CDH15: variants seen among roughly 807,000 people sequenced by gnomAD.
CDH15 encodes the protein cadherin-15.
In CDH15, 73 loss-of-function variants were observed where a neutral mutation model predicts 69.4. That is an observed-to-expected ratio of 1.05 (90% CI 0.87 to 1.28). CDH15 has a LOEUF of 1.28. Among genes scored for constraint, CDH15 ranks in the 50% most tolerant of loss-of-function variants. CDH15 has a pLI of 0.00. For synonymous variants in CDH15, 624 were observed against 507.7 expected, an observed-to-expected ratio of 1.23 and a Z score of -3.08; for missense variants, 1,343 against 1,133.6, an observed-to-expected ratio of 1.18 and a Z score of -2.65.
In CDH15 at chr16:89,186,794, C is replaced by T. The variant is rs192325963; in HGVS notation, c.664-635C>T. 3.8e-4 allele frequency among the ~76,000 whole-genome samples: 55 copies of T among 142,904 alleles called. 1 individual carries two copies. In the East Asian group the frequency reaches 0.011, roughly 27 times the overall value. The allele number at this position is 142,904 out of a possible 152,430, so 93.8% of individuals were successfully genotyped here. A position where few individuals can be genotyped will look rare whatever the true frequency, so the allele number is the denominator to read the frequency against. On this transcript the variant is annotated intron_variant, in intron 5 of 13. Transcript: ENST00000289746. ...CAGAGCACAGTAGGTGCTCTGTAAA[C>T]GCTTACCCAGCGCACAGAAGGTGCT...
chr16:89,171,793 T>TCGCGGGTGCACTC lies in CDH15; in HGVS notation c.-36_-24dup, dbSNP rs1485650488. ...CTCAGCCTGGACGCGCTTCTTCGGGTCGCGGGTGCACTCCGGCCCGGCTCC... is the reference window on the plus strand; with the variant it reads ...CTCAGCCTGGACGCGCTTCTTCGGGTCGCGGGTGCACTCCGCGGGTGCACTCCGGCCCGGCTCC... On this transcript the variant is annotated 5_prime_UTR_variant, in exon 1 of 14. Coordinates refer to ENST00000289746, the MANE Select transcript of CDH15 (RefSeq NM_004933.3). The TCGCGGGTGCACTC allele has an allele frequency of 6.6e-7, 1 of 1,525,342 alleles. No homozygotes were observed. The highest frequency in any genetic ancestry group is 1.4e-5 in the African/African-American group (1 of 70,516). 94.5% of individuals were successfully genotyped at this position (1,525,342 alleles called of 1,614,324 possible). A position where few individuals can be genotyped will look rare whatever the true frequency, so the allele number is the denominator to read the frequency against.
chr16:89,183,512 G>A (rs1405198457), intron 3 of CDH15, 36 bp from the exon 4 acceptor site: 4 of 1,613,410 alleles, frequency 2.5e-6, no homozygotes, highest in South Asian at 2.2e-5. Flanking sequence ...GAAATTTGGG[G>A]GCCACAGAGC....
chr16:89,190,940 C>T (rs1008326453), intron 8 of CDH15, among the ~76,000 whole-genome samples: 1 of 152,158 alleles, frequency 6.6e-6, no homozygotes, highest in African/African-American at 2.4e-5. Context: ...TTCCTCACCT[C>T]ACAGAAGGTG....
intron 7 of CDH15, among the ~76,000 whole-genome samples, chr16:89,189,737 G>A (rs1333004980): frequency 6.6e-6 from 1 of 151,202 alleles, no homozygotes; most frequent in Admixed American, 6.6e-5. Context: ...GTGTAGATGT[G>A]GGTGTATTTA....
At chr16:89,185,529 G>A in intron 5 of CDH15, 196 bp downstream of exon 5, 2 of 695,028 alleles carry the variant, frequency 2.9e-6, no homozygotes, top group South Asian at 1.7e-5. Flanking sequence ...CGCTGGCCCG[G>A]GTGGGAGGGG....
At chr16:89,177,948 C>T (rs919708887) in intron 1 of CDH15, among the ~76,000 whole-genome samples, 1 of 152,160 alleles carries the variant, frequency 6.6e-6, no homozygotes, top group African/African-American at 2.4e-5. Context: ...GACCCGCCGT[C>T]TCTAAGCTTC....
rs935997767 is a variant in CDH15 at position 89,192,337 on chromosome 16, G to A, written c.1748G>A (p.Gly583Asp). The A allele has an allele frequency of 1.9e-5, 29 of 1,535,840 alleles. No individual in the cohort carries two copies. The highest frequency in any genetic ancestry group is 2.4e-5 in the Non-Finnish European group (27 of 1,147,408). The change falls in exon 11 of 14, where the codon GGC becomes GAC. Residue 583 changes from glycine (G) to aspartate (D), a missense_variant. Gly to Asp is a moderately conservative substitution (Grantham distance 94). Transcript: ENST00000289746. ...CTGAACGTGACCGTGTGCCGCTGCGGCAAGGACGGCGTCTGCCTGCCGGGG... is the reference window on the plus strand; with the variant it reads ...CTGAACGTGACCGTGTGCCGCTGCGACAAGGACGGCGTCTGCCTGCCGGGG... The part of the protein sequence containing the change: ...QPLNVTVCRC[G>D]KDGVCLPGAA...
intron 10 of CDH15, 26 bp downstream of exon 10, chr16:89,191,920 C>T: frequency 1.3e-6 from 2 of 1,527,018 alleles, no homozygotes; most frequent in Middle Eastern, 2.3e-4. Context: ...CGCCGCGCTC[C>T]CCCCATCCCC....
chr16:89,179,885 A>G (rs1319404479), intron 2 of CDH15, among the ~76,000 whole-genome samples: 2 of 152,148 alleles, frequency 1.3e-5, no homozygotes, highest in Admixed American at 1.3e-4. Flanking sequence ...GCCGACGCTG[A>G]GTAGATGGAG....
At chr16:89,189,492 TGA>T (rs1326315576) in intron 7 of CDH15, among the ~76,000 whole-genome samples, 3 of 152,206 alleles carry the variant, frequency 2.0e-5, no homozygotes, top group Non-Finnish European at 4.4e-5. Context: ...CGTCCTTGGG[TGA>T]GAGAGAGTGG....
At chr16:89,186,815 G>T (rs1296378672) in intron 5 of CDH15, among the ~76,000 whole-genome samples, 2 of 147,474 alleles carry the variant, frequency 1.4e-5, no homozygotes, top group Non-Finnish European at 3.0e-5. Flanking sequence ...CGCACAGAAG[G>T]TGCTCTGTAA....
rs1218462112 is a variant in CDH15, at chr16:89,192,452, A to C, written c.1855+8A>C. 1 of 1,561,394 alleles carries C rather than the reference A, an allele frequency of 6.4e-7. No individual in the cohort carries two copies. The highest frequency in any genetic ancestry group is 1.8e-5 in the Admixed American group (1 of 55,250). ...GCGCCCTCCTGCTGCTGGGTGAGTG[A>C]GCGCCCCGCCTCCACCTGGACCCTC... On this transcript the variant is annotated splice_region_variant and intron_variant, in intron 11 of 13. Coordinates refer to ENST00000289746, the MANE Select transcript of CDH15 (RefSeq NM_004933.3).
rs769493541 is a variant in CDH15 at position 89,171,862 on chromosome 16, C to T, written c.31C>T (p.Leu11=). The part of the protein sequence containing the change: MDAAFLLVLG[L]LAQSLCLSLG... ...CGCCGCGTTCCTCCTCGTCCTCGGG[C>T]TGTTGGCCCAGGTAAGGCATCGGCA... Residue 11 remains leucine, a synonymous_variant, in exon 1 of 14, where the codon CTG becomes TTG. Coordinates refer to ENST00000289746, the MANE Select transcript of CDH15 (RefSeq NM_004933.3). 5.8e-6 allele frequency: 9 copies of T among 1,559,016 alleles called. No individual in the cohort carries two copies. In the East Asian group the frequency reaches 1.2e-4, roughly 21 times the overall value.
chr16:89,191,892 A>G lies in CDH15; in HGVS notation c.1613A>G (p.Asn538Ser), dbSNP rs2151604252. The change falls in exon 10 of 14, where the codon AAC becomes AGC. Residue 538 changes from asparagine to serine, a missense_variant and splice_region_variant. Transcript: ENST00000289746. ...LGRNWSLSQV[N>S]VSHARLRPRH... is the part of the protein sequence containing the mutation. ...CGGAACTGGAGCCTCAGCCAGGTCA[A>G]CGGTGCGCTCCCCTCACCGCCGCGC... 1.3e-6 allele frequency: 2 copies of G among 1,567,228 alleles called. No individual in the cohort carries two copies. The highest frequency in any genetic ancestry group is 4.6e-5 in the East Asian group (2 of 43,272).
At position 89,191,677 on chromosome 16, in the gene CDH15, C is replaced by T. The variant is rs941838806; in HGVS notation, c.1398C>T (p.Thr466=). 8.8e-6 allele frequency: 14 copies of T among 1,596,598 alleles called. No individual in the cohort carries two copies. The highest frequency in any genetic ancestry group is 1.3e-5 in the African/African-American group (1 of 74,770). Residue 466 remains threonine (T), a synonymous_variant, in exon 10 of 14, where the codon ACC becomes ACT. Transcript: ENST00000289746. ...CAGCCTCCCAGCCCCGCACCGCCAC[C>T]GGCACCCTGTCCATCGAGATCCTGG... ...QDDASQPRTA[T]GTLSIEILEV...
In CDH15 at chr16:89,185,098, C is replaced by A. The variant is rs144509744; in HGVS notation, c.503-75C>A. 8.8e-5 allele frequency: 123 copies of A among 1,398,074 alleles called. 3 individuals carry two copies. The East Asian group carries it at 3.0e-3, about 34-fold the overall frequency. The allele number at this position is 1,398,074 out of a possible 1,614,324, so 86.6% of individuals were successfully genotyped here. ...CGGGGAGCCTGTGCACACGAGGTGC[C>A]CCCACGCCCCTCACAATGCCCCCAG... On this transcript the variant is annotated intron_variant, in intron 4 of 13. Transcript: ENST00000289746.
rs748243550 is a variant in CDH15, at chr16:89,195,089, C to A, written c.2379C>A (p.Asp793Glu). The A allele has an allele frequency of 6.2e-7, 1 of 1,611,374 alleles. No individual in the cohort carries two copies. Among genetic ancestry groups the A allele is most frequent in the South Asian group, 1.1e-5 (1 of 91,028 alleles). Residue 793 changes from aspartate to glutamate, a missense_variant, in exon 14 of 14, where the codon GAC becomes GAA. Asp to Glu is a conservative substitution (Grantham distance 45). Coordinates refer to ENST00000289746, the MANE Select transcript of CDH15 (RefSeq NM_004933.3). ...PCGLEYGARW[D>E]HQAREGLSPG... ...GGTTGGAGTACGGGGCCAGATGGGA[C>A]CACCAGGCCAGGGAGGGTCTTTCTC...
intron 13 of CDH15, among the ~76,000 whole-genome samples, chr16:89,194,218 C>A (rs1007312203): frequency 6.6e-6 from 1 of 152,208 alleles, no homozygotes; most frequent in African/African-American, 2.4e-5. Context: ...CCGGGAGCAT[C>A]CCCTGGGCTT....
intron 4 of CDH15, 62 bp from the exon 5 acceptor site, chr16:89,185,109 TCA>T: frequency 6.6e-7 from 1 of 1,508,732 alleles, no homozygotes; most frequent in Non-Finnish European, 9.0e-7. Context: ...CCCACGCCCC[TCA>T]CAATGCCCCC....
Sources: gnomAD v4.1 joint callset for allele counts (sites outside exome capture counted in the v4.1 genomes callset) on GRCh38, gnomAD v4.1.1 for gene constraint, MANE v1.5 for transcripts, NCBI Gene and HGNC (gene_info 2026-07-23, HGNC 2026-07-21) for gene names.